GALNT11: variants seen among roughly 807,000 people sequenced by gnomAD.
GALNT11 encodes UDP-GalNAc:polypeptide N-acetylgalactosaminyltransferase 11.
In GALNT11, 47 loss-of-function variants were observed where a neutral mutation model predicts 72.7. That is an observed-to-expected ratio of 0.65 (90% CI 0.51 to 0.82). The LOEUF is 0.82. Ranked by LOEUF, GALNT11 falls within the 40% of genes least tolerant of loss-of-function variation. The pLI is 0.00. For synonymous variants in GALNT11, 270 were observed against 286.6 expected, an observed-to-expected ratio of 0.94 and a Z score of 0.58; for missense variants, 677 against 778.4, an observed-to-expected ratio of 0.87 and a Z score of 1.55.
At chr7:152,100,702 A>T in intron 2 of GALNT11, 96 bp from the exon 3 acceptor site, 1 of 1,428,462 alleles carries the variant, frequency 7.0e-7, no homozygotes. Flanking sequence ...AGATTATAAT[A>T]GGATAAAGTC....
chr7:152,121,875 G>A lies in GALNT11; in HGVS notation c.*198G>A, dbSNP rs1004661700. On this transcript the variant is annotated 3_prime_UTR_variant, in exon 12 of 12. Coordinates refer to ENST00000430044, the MANE Select transcript of GALNT11 (RefSeq NM_022087.4). ...AGACGGGAGCTCTGAGTGTCCACGGGTGAAGAAGTGAGTGTCCACGGGTGA... is the reference window on the plus strand; with the variant it reads ...AGACGGGAGCTCTGAGTGTCCACGGATGAAGAAGTGAGTGTCCACGGGTGA... 9 of 564,912 alleles carry A rather than the reference G, an allele frequency of 1.6e-5. No individual in the cohort carries two copies. Among genetic ancestry groups the A allele is most frequent in the African/African-American group, 1.1e-4 (6 of 52,602 alleles). 35.0% of individuals were successfully genotyped at this position (564,912 alleles called of 1,614,324 possible). A position where few individuals can be genotyped will look rare whatever the true frequency, so the allele number is the denominator to read the frequency against.
At chr7:152,101,185 T>C (rs2086851464) in intron 3 of GALNT11, among the ~76,000 whole-genome samples, 1 of 152,260 alleles carries the variant, frequency 6.6e-6, no homozygotes, top group South Asian at 2.1e-4. Context: ...TTAAATAACC[T>C]GAGTATAAGT....
intron 3 of GALNT11, among the ~76,000 whole-genome samples, 155 bp from the exon 4 acceptor site, chr7:152,102,957 G>A (rs909152367): frequency 7.3e-5 from 11 of 150,902 alleles, no homozygotes; most frequent in Non-Finnish European, 1.6e-4. Flanking sequence ...CTCCAGCCTG[G>A]GCAACAAGAG....
At chr7:152,055,132 A>G (rs1311635082) in intron 1 of GALNT11, among the ~76,000 whole-genome samples, 3 of 152,124 alleles carry the variant, frequency 2.0e-5, no homozygotes, top group Non-Finnish European at 2.9e-5. Flanking sequence ...CACCAGTCCT[A>G]TTTGACTAGG....
At chr7:152,084,597 G>A (rs1354737356) in intron 1 of GALNT11, among the ~76,000 whole-genome samples, 1 of 152,066 alleles carries the variant, frequency 6.6e-6, no homozygotes, top group African/African-American at 2.4e-5. Flanking sequence ...CTGGTTAGCC[G>A]TCTTTCTTGC....
Position 152,100,832 on chromosome 7 carries a change from A to C in GALNT11, c.330A>C (p.Arg110Ser). ...MIFNERDQEL[R>S]DLGYQKHAFN... is the part of the protein sequence containing the mutation. ...TTAATGAACGCGATCAAGAGTTGAG[A>C]GACTTGGGCTATCAGAAACATGCTT... Residue 110 changes from arginine (R) to serine (S), a missense_variant, in exon 3 of 12, where the codon AGA (arginine) becomes AGC (serine). Physicochemically the swap from Arg to Ser is moderately radical, Grantham distance 110 (BLOSUM62 -1). Transcript: ENST00000430044. 7.4e-6 allele frequency: 12 copies of C among 1,614,002 alleles called. No homozygotes were observed. Among genetic ancestry groups the C allele is most frequent in the Non-Finnish European group, 8.5e-6 (10 of 1,179,984 alleles).
intron 1 of GALNT11, among the ~76,000 whole-genome samples, chr7:152,069,687 CAA>C (rs761106812): frequency 2.8e-4 from 43 of 152,216 alleles, no homozygotes; most frequent in Non-Finnish European, 4.9e-4. Flanking sequence ...GATTATCAGA[CAA>C]AATCTGTTTT....
intron 1 of GALNT11, among the ~76,000 whole-genome samples, chr7:152,083,619 C>T (rs2085448319): frequency 6.6e-6 from 1 of 152,098 alleles, no homozygotes. Context: ...TGCAGTGGGG[C>T]TCACACCCCA....
chr7:152,114,775 C>T (rs1450248164), intron 8 of GALNT11, among the ~76,000 whole-genome samples: 1 of 152,106 alleles, frequency 6.6e-6, no homozygotes, highest in Non-Finnish European at 1.5e-5. Context: ...ATTTGTTGTG[C>T]ACCTCCTGTA....
chr7:152,113,355 A>G lies in GALNT11; in HGVS notation c.1190A>G (p.His397Arg). ...CCCGAAGGCCAGGACACCATGACAC[A>G]CAACTCTTTGCGGCTGGCACATGTC... ...GSPEGQDTMT[H>R]NSLRLAHVWL... The change falls in exon 8 of 12, where the codon CAC becomes CGC. Residue 397 changes from histidine (H) to arginine (R), a missense_variant. Transcript: ENST00000430044. 6.2e-7 allele frequency: 1 copy of G among 1,614,060 alleles called. No homozygotes were observed. Among genetic ancestry groups the G allele is most frequent in the African/African-American group, 1.3e-5 (1 of 75,050 alleles).
At chr7:152,117,419 A>G in intron 9 of GALNT11, 44 bp downstream of exon 9, 1 of 1,596,538 alleles carries the variant, frequency 6.3e-7, no homozygotes. Context: ...AAAGCGTTTG[A>G]TATGAAAAGT....
intron 1 of GALNT11, among the ~76,000 whole-genome samples, chr7:152,061,804 T>C (rs2084033787): frequency 6.6e-6 from 1 of 152,202 alleles, no homozygotes; most frequent in Admixed American, 6.5e-5. Context: ...GTATTATTTC[T>C]GAGGGCTTTG....
chr7:152,039,659 G>A (rs1433653116), intron 1 of GALNT11, among the ~76,000 whole-genome samples: 6 of 152,284 alleles, frequency 3.9e-5, no homozygotes, highest in East Asian at 3.9e-4. Context: ...GGCTGCAACC[G>A]GGGGTCCTCG....
In GALNT11 at chr7:152,070,774, C is replaced by T. The variant is rs150750175; in HGVS notation, c.-38-23416C>T. ...TGTACATTTCTGAGGGGACCATTAT[C>T]GGGGAATCTGCCCCAATATTCACGT... On this transcript the variant is annotated intron_variant, in intron 1 of 11. Coordinates refer to ENST00000430044, the MANE Select transcript of GALNT11 (RefSeq NM_022087.4). Among the ~76,000 whole-genome samples the T allele has an allele frequency of 1.2e-3, 183 of 152,274 alleles. 2 individuals carry two copies. Among genetic ancestry groups the T allele is most frequent in the African/African-American group, 4.2e-3 (175 of 41,548 alleles).
At chr7:152,028,122 A>G (rs1044191305) in intron 1 of GALNT11, among the ~76,000 whole-genome samples, 4 of 152,234 alleles carry the variant, frequency 2.6e-5, no homozygotes, top group African/African-American at 9.6e-5. Context: ...GATTTATTGC[A>G]AAGAATGAAA....
chr7:152,068,992 A>T (rs1381318825), intron 1 of GALNT11, among the ~76,000 whole-genome samples: 3 of 152,208 alleles, frequency 2.0e-5, no homozygotes, highest in Non-Finnish European at 4.4e-5. Flanking sequence ...CACACTTATG[A>T]ACTACAAAAG....
chr7:152,088,282 A>T lies in GALNT11; in HGVS notation c.-38-5908A>T, dbSNP rs142552928. 2.6e-5 allele frequency among the ~76,000 whole-genome samples: 4 copies of T among 152,276 alleles called. No individual in the cohort carries two copies. The East Asian group carries it at 7.7e-4, about 29-fold the overall frequency. On this transcript the variant is annotated intron_variant, in intron 1 of 11. Transcript: ENST00000430044. ...ATCATGTTTGCTACCAGATTTTTAG[A>T]GATGCTCTTTGTCAGGCAAAGATTT... is the stretch of plus-strand genomic sequence containing the variant.
At chr7:152,042,257 A>AT (rs906453965) in intron 1 of GALNT11, among the ~76,000 whole-genome samples, 2 of 152,218 alleles carry the variant, frequency 1.3e-5, no homozygotes, top group African/African-American at 4.8e-5. Context: ...TTAAAGGCCA[A>AT]TTTTTTGGAA....
chr7:152,073,470 C>T (rs1409655527), intron 1 of GALNT11, among the ~76,000 whole-genome samples: 2 of 152,202 alleles, frequency 1.3e-5, no homozygotes, highest in Non-Finnish European at 2.9e-5. Flanking sequence ...CTGTGAGTGA[C>T]AGGATTCCAC....
Sources: allele counts gnomAD v4.1 joint callset (sites outside exome capture counted in the v4.1 genomes callset), GRCh38; gene constraint gnomAD v4.1.1; transcripts MANE v1.5; gene names NCBI Gene and HGNC (gene_info 2026-07-23, HGNC 2026-07-21).